The following DNAAF1 variants were observed in gnomAD, a reference collection of about 807,000 sequenced individuals.
The protein encoded by DNAAF1 is dynein assembly factor 1, axonemal.
Under a neutral mutation model 71.1 loss-of-function variants are expected in DNAAF1, and 65 were observed. That is an observed-to-expected ratio of 0.91 (90% CI 0.75 to 1.12). The LOEUF (loss-of-function observed/expected upper bound fraction) is 1.12, where lower values mean the gene tolerates loss of function less well. Among genes scored for constraint, DNAAF1 ranks in the 50% most tolerant of loss-of-function variants. DNAAF1 has a pLI of 0.00. For missense variants in DNAAF1, 1,178 were observed against 899.8 expected (o/e 1.31, Z -3.96); for synonymous variants, 414 against 354.6 (o/e 1.17, Z -1.88).
intron 9 of DNAAF1, 183 bp from the exon 10 acceptor site, chr16:84,174,486 C>G: frequency 6.8e-7 from 1 of 1,478,382 alleles, no homozygotes; most frequent in South Asian, 1.4e-5. Context: ...CCTGAGGTGG[C>G]AACGCTTGCT....
chr16:84,151,003 G>A (rs1490716756), intron 3 of DNAAF1, among the ~76,000 whole-genome samples: 1 of 152,146 alleles, frequency 6.6e-6, no homozygotes, highest in Admixed American at 6.6e-5. Flanking sequence ...CTTGATGTTG[G>A]AAACAAATGA....
Position 84,177,885 on chromosome 16 carries a change from T to C in DNAAF1, c.*44T>C, listed in dbSNP as rs1287956191. ...AGCATAAATGGTTTAATCATAAATGTCTCCCTTAGGCATGATAAACATTTT... is the reference window on the plus strand; with the variant it reads ...AGCATAAATGGTTTAATCATAAATGCCTCCCTTAGGCATGATAAACATTTT... On this transcript the variant is annotated 3_prime_UTR_variant, in exon 12 of 12. Coordinates refer to ENST00000378553, the MANE Select transcript of DNAAF1 (RefSeq NM_178452.6). 3 of 1,494,866 alleles carry C rather than the reference T, an allele frequency of 2.0e-6. No homozygotes were observed. In the East Asian group the frequency reaches 6.8e-5, roughly 34 times the overall value. The allele number at this position is 1,494,866 out of a possible 1,614,324, so 92.6% of individuals were successfully genotyped here.
At chr16:84,172,122 C>G in intron 8 of DNAAF1, 138 bp from the exon 9 acceptor site, 2 of 789,882 alleles carry the variant, frequency 2.5e-6, no homozygotes, top group Non-Finnish European at 4.4e-6. Flanking sequence ...TGTGATCCGC[C>G]CACCTTGGCC....
intron 6 of DNAAF1, 115 bp from the exon 7 acceptor site, chr16:84,165,668 A>G: frequency 2.0e-6 from 2 of 987,276 alleles, no homozygotes; most frequent in Non-Finnish European, 3.3e-6. Flanking sequence ...TTATCCTTGC[A>G]GTCACATGTC....
chr16:84,149,559 C>T (rs1401979070), intron 2 of DNAAF1, among the ~76,000 whole-genome samples: 6 of 151,406 alleles, frequency 4.0e-5, no homozygotes, highest in South Asian at 2.1e-4. Flanking sequence ...GGCGTAGTGG[C>T]GGGCACCTGT....
intron 3 of DNAAF1, among the ~76,000 whole-genome samples, chr16:84,151,986 A>G (rs543285148): frequency 3.3e-5 from 5 of 152,256 alleles, no homozygotes; most frequent in Non-Finnish European, 7.3e-5. Context: ...GTCTTACTGC[A>G]TCGCTAACAT....
At chr16:84,174,324 T>C (rs921079209) in intron 9 of DNAAF1, 2 of 1,194,392 alleles carry the variant, frequency 1.7e-6, no homozygotes, top group East Asian at 9.7e-5. Context: ...GTTTTCGGAC[T>C]AGTTTGTACA....
chr16:84,147,940 C>T (rs1326639293), intron 1 of DNAAF1, among the ~76,000 whole-genome samples: 4 of 151,942 alleles, frequency 2.6e-5, no homozygotes, highest in Non-Finnish European at 5.9e-5. Context: ...TGGTGACAGG[C>T]GCTGGTAATC....
At chr16:84,173,934 A>G (rs1045872983) in intron 9 of DNAAF1, 1 of 153,464 alleles carries the variant, frequency 6.5e-6, no homozygotes, top group African/African-American at 2.4e-5. Context: ...GATAACTACA[A>G]CACTAATAGC....
chr16:84,165,242 T>G (rs2087913964), intron 6 of DNAAF1, among the ~76,000 whole-genome samples: 1 of 152,206 alleles, frequency 6.6e-6, no homozygotes, highest in Non-Finnish European at 1.5e-5. Flanking sequence ...ATTTTGAAAT[T>G]GTGTCATCTT....
intron 11 of DNAAF1, chr16:84,176,981 G>T (rs1371651708): frequency 6.0e-6 from 1 of 166,024 alleles, no homozygotes; most frequent in Non-Finnish European, 1.3e-5. Flanking sequence ...AGCAAGCTGG[G>T]ACTGTTTTTT....
intron 3 of DNAAF1, among the ~76,000 whole-genome samples, chr16:84,153,856 G>A (rs1034335157): frequency 9.2e-5 from 14 of 151,998 alleles, no homozygotes; most frequent in Non-Finnish European, 1.6e-4. Context: ...TACCCCCACT[G>A]CACCCCCACC....
Position 84,170,091 on chromosome 16 carries a change from G to T in DNAAF1, c.1263G>T (p.Leu421=). ...EPEGTLPAET[L]LLSSPVEVKG... Reference sequence around the variant, plus strand: ...AGGGGACCCTCCCAGCTGAGACCCTGCTACTGTCGTCACCTGTGGAGGTTA... The same window carrying T: ...AGGGGACCCTCCCAGCTGAGACCCTTCTACTGTCGTCACCTGTGGAGGTTA... Residue 421 remains leucine, a synonymous_variant, in exon 8 of 12, where the codon CTG becomes CTT. Coordinates refer to ENST00000378553, the MANE Select transcript of DNAAF1 (RefSeq NM_178452.6). 6.3e-6 allele frequency: 10 copies of T among 1,589,664 alleles called. No homozygotes were observed. Among genetic ancestry groups the T allele is most frequent in the Non-Finnish European group, 8.6e-6 (10 of 1,166,510 alleles).
chr16:84,149,252 C>T (rs2087069325), intron 2 of DNAAF1, 110 bp downstream of exon 2: 5 of 1,401,308 alleles, frequency 3.6e-6, no homozygotes, highest in Non-Finnish European at 4.0e-6. Flanking sequence ...GAATTGCCTG[C>T]CCAATGTCTG....
intron 8 of DNAAF1, among the ~76,000 whole-genome samples, chr16:84,171,762 C>A (rs1312272936): frequency 6.6e-6 from 1 of 152,192 alleles, no homozygotes; most frequent in East Asian, 1.9e-4. Context: ...ATGGGATTCG[C>A]CTCCAGATTA....
At chr16:84,170,480 A>G in intron 8 of DNAAF1, 124 bp downstream of exon 8, 1 of 1,454,870 alleles carries the variant, frequency 6.9e-7, no homozygotes, top group East Asian at 2.4e-5. Flanking sequence ...TTTCTAGAAG[A>G]TAATGGACAC....
intron 7 of DNAAF1, among the ~76,000 whole-genome samples, chr16:84,168,822 C>CCACACA (rs1352763766): frequency 0.044 from 1,847 of 42,358 alleles, 35 homozygotes; most frequent in African/African-American, 0.12. Context: ...TACACATTTG[C>CCACACA]CACATACACA....
At chr16:84,155,199 T>TGC (rs2087369152) in intron 4 of DNAAF1, among the ~76,000 whole-genome samples, 1 of 152,062 alleles carries the variant, frequency 6.6e-6, no homozygotes, top group East Asian at 1.9e-4. Context: ...TGAGCCACCA[T>TGC]GCCCAGCCAA....
chr16:84,145,404 C>G lies in DNAAF1; in HGVS notation c.-37C>G, dbSNP rs1274566520. 6.4e-7 allele frequency: 1 copy of G among 1,569,142 alleles called. No individual in the cohort carries two copies. Among genetic ancestry groups the G allele is most frequent in the South Asian group, 1.2e-5 (1 of 85,352 alleles). On this transcript the variant is annotated 5_prime_UTR_variant, in exon 1 of 12. Transcript: ENST00000378553. ...GACGTCCGCCGCGAACCTGGGCCCC[C>G]CAAAGCTGCGGGGCGTTCGGTGTCG...
Sources: allele counts gnomAD v4.1 joint callset (sites outside exome capture counted in the v4.1 genomes callset), GRCh38; gene constraint gnomAD v4.1.1; transcripts MANE v1.5; gene names NCBI Gene and HGNC (gene_info 2026-07-23, HGNC 2026-07-21).